GASK1B: variants seen among roughly 807,000 people sequenced by gnomAD.
The protein encoded by GASK1B is golgi associated kinase 1B, also known as Golgi-associated kinase 1B.
A neutral mutation model predicts 42.8 loss-of-function variants in GASK1B; 34 were observed. That is an observed-to-expected ratio of 0.79 (90% CI 0.60 to 1.06). The LOEUF is 1.06. Among genes scored for constraint, GASK1B ranks in the 50% least tolerant of loss-of-function variants. The pLI is 0.00. For synonymous variants in GASK1B, 262 were observed against 259.1 expected, an observed-to-expected ratio of 1.01 and a Z score of -0.11; for missense variants, 686 against 661.0, an observed-to-expected ratio of 1.04 and a Z score of -0.42.
At chr4:158,157,504 G>A (rs996301548) in intron 2 of GASK1B, among the ~76,000 whole-genome samples, 1 of 151,996 alleles carries the variant, frequency 6.6e-6, no homozygotes, top group African/African-American at 2.4e-5. Flanking sequence ...ACAGCACTGG[G>A]CCAGTATAAC....
intron 3 of GASK1B, among the ~76,000 whole-genome samples, chr4:158,151,260 T>C (rs1348778415): frequency 6.6e-6 from 1 of 152,240 alleles, no homozygotes; most frequent in Non-Finnish European, 1.5e-5. Flanking sequence ...TATTATTCTC[T>C]AATGCAGAAT....
chr4:158,170,473 G>A lies in GASK1B; in HGVS notation c.903C>T (p.Phe301=). 1 of 1,614,264 alleles carries A rather than the reference G, an allele frequency of 6.2e-7. No homozygotes were observed. The highest frequency in any genetic ancestry group is 8.5e-7 in the Non-Finnish European group (1 of 1,180,052). ...AGCATGTGAATCTGTTACCTTGGATGAACTCTGCTTTCCTGCTCACAGACG... is the reference window on the plus strand; with the variant it reads ...AGCATGTGAATCTGTTACCTTGGATAAACTCTGCTTTCCTGCTCACAGACG... ...TLPSVSRKAE[F]IQDGRPCPII... is the part of the protein sequence containing the mutation. The change falls in exon 2 of 5, where the codon TTC becomes TTT. Residue 301 remains phenylalanine, a synonymous_variant. Coordinates refer to ENST00000585682, the MANE Select transcript of GASK1B (RefSeq NM_001128424.2).
intron 4 of GASK1B, among the ~76,000 whole-genome samples, chr4:158,129,449 C>A (rs1291628624): frequency 6.6e-6 from 1 of 152,138 alleles, no homozygotes; most frequent in East Asian, 1.9e-4. Context: ...GTCAACAGGG[C>A]AGGACCCGGC....
intron 2 of GASK1B, chr4:158,169,939 A>C (rs1732394874): frequency 2.8e-6 from 1 of 361,948 alleles, no homozygotes. Flanking sequence ...TTATTTGTTA[A>C]ATAAAGAGGT....
At chr4:158,149,279 T>A (rs948054472) in intron 3 of GASK1B, among the ~76,000 whole-genome samples, 9 of 152,248 alleles carry the variant, frequency 5.9e-5, no homozygotes, top group Non-Finnish European at 1.3e-4. Flanking sequence ...GAAATAGTTT[T>A]TAAAAAACTT....
chr4:158,171,950 C>T (rs917867372), intron 1 of GASK1B, among the ~76,000 whole-genome samples: 5 of 152,052 alleles, frequency 3.3e-5, no homozygotes, highest in South Asian at 2.1e-4. Context: ...ATACTCTATA[C>T]CTATACCATT....
intron 3 of GASK1B, among the ~76,000 whole-genome samples, chr4:158,148,130 C>G (rs1195709194): frequency 1.3e-5 from 2 of 152,154 alleles, no homozygotes; most frequent in Non-Finnish European, 2.9e-5. Flanking sequence ...GGAAGGATCA[C>G]TTGAGCCCAA....
chr4:158,152,683 T>C (rs958952891), intron 3 of GASK1B, among the ~76,000 whole-genome samples: 55 of 152,286 alleles, frequency 3.6e-4, no homozygotes, highest in African/African-American at 1.3e-3. Context: ...GATACAAGGA[T>C]GGTTTAACAT....
intron 3 of GASK1B, among the ~76,000 whole-genome samples, chr4:158,149,922 G>GTTTTTTTTTTTTT (rs1560785203): frequency 1.9e-4 from 3 of 15,520 alleles, no homozygotes; most frequent in African/African-American, 2.6e-4. Flanking sequence ...TCTGCATGCT[G>GTTTTTTTTTTTTT]CTTTTTTTTT....
Position 158,170,489 on chromosome 4 carries a change from C to T in GASK1B, c.887G>A (p.Ser296Asn), listed in dbSNP as rs201753633. 5.0e-6 allele frequency: 8 copies of T among 1,614,258 alleles called. No homozygotes were observed. The Admixed American group carries it at 1.2e-4, about 24-fold the overall frequency. Residue 296 changes from serine (S) to asparagine (N), a missense_variant, in exon 2 of 5, where the codon AGC becomes AAC. Coordinates refer to ENST00000585682, the MANE Select transcript of GASK1B (RefSeq NM_001128424.2). ...ACCTTGGATGAACTCTGCTTTCCTG[C>T]TCACAGACGGCAGGGTCCTGTTGAG... ...LGLNRTLPSV[S>N]RKAEFIQDGR...
At position 158,170,814 on chromosome 4, in the gene GASK1B, C is replaced by T. The variant is rs773698355; in HGVS notation, c.562G>A (p.Val188Met). Residue 188 changes from valine to methionine, a missense_variant, in exon 2 of 5, where the codon GTG becomes ATG. Transcript: ENST00000585682. ...AGGAAGTCTGGGCCCCCGGCTCGCA[C>T]TCCCGGACCCCGCACCAACCTCCAG... Reference protein sequence around the residue: ...RPWRLVRGPGVRAGGPDFLQP... With the variant: ...RPWRLVRGPGMRAGGPDFLQP... 1.2e-6 allele frequency: 2 copies of T among 1,614,194 alleles called. No homozygotes were observed. The highest frequency in any genetic ancestry group is 1.1e-5 in the South Asian group (1 of 91,086).
At chr4:158,146,512 T>C (rs1166331279) in intron 3 of GASK1B, among the ~76,000 whole-genome samples, 3 of 152,226 alleles carry the variant, frequency 2.0e-5, no homozygotes, top group African/African-American at 4.8e-5. Flanking sequence ...AAATGCTTTA[T>C]GTATATAAAA....
intron 2 of GASK1B, among the ~76,000 whole-genome samples, chr4:158,161,193 A>T (rs1347532996): frequency 6.6e-6 from 1 of 152,150 alleles, no homozygotes; most frequent in Non-Finnish European, 1.5e-5. Flanking sequence ...AAGTAAGGTG[A>T]TGGATTTTTA....
rs139483120 is a variant in GASK1B, at chr4:158,170,526, T to C, written c.850A>G (p.Arg284Gly). 22 of 1,614,082 alleles carry C rather than the reference T, an allele frequency of 1.4e-5. No individual in the cohort carries two copies. Among genetic ancestry groups the C allele is most frequent in the Non-Finnish European group, 1.9e-5 (22 of 1,180,040 alleles). The change falls in exon 2 of 5, where the codon AGG becomes GGG. Residue 284 changes from arginine to glycine, a missense_variant. Physicochemically the swap from Arg to Gly is moderately radical, Grantham distance 125 (BLOSUM62 -2). Transcript: ENST00000585682. ...MSEVFAFHLD[R>G]ILGLNRTLPS... ...AGGGTCCTGTTGAGCCCCAGGATCC[T>C]GTCTAGGTGGAAGGCAAACACCTCA... is the stretch of plus-strand genomic sequence containing the variant.
At chr4:158,139,165 C>T (rs1304616111) in intron 3 of GASK1B, among the ~76,000 whole-genome samples, 1 of 152,138 alleles carries the variant, frequency 6.6e-6, no homozygotes, top group Non-Finnish European at 1.5e-5. Context: ...AAAACATCCG[C>T]CTGCCTACCA....
intron 3 of GASK1B, among the ~76,000 whole-genome samples, chr4:158,148,171 A>G (rs1291786948): frequency 2.6e-5 from 4 of 152,138 alleles, no homozygotes; most frequent in Non-Finnish European, 2.9e-5. Flanking sequence ...TTATGATCAC[A>G]CCACTGCACT....
intron 3 of GASK1B, among the ~76,000 whole-genome samples, chr4:158,146,392 A>C (rs1341518143): frequency 6.6e-6 from 1 of 152,050 alleles, no homozygotes; most frequent in Non-Finnish European, 1.5e-5. Flanking sequence ...ATGATAAAAT[A>C]ATATAGTTTA....
Position 158,127,564 on chromosome 4 carries a change from T to G in GASK1B, c.1403A>C (p.Lys468Thr), listed in dbSNP as rs756472594. The change falls in exon 5 of 5, where the codon AAA (lysine) becomes ACA (threonine). Residue 468 changes from lysine to threonine, a missense_variant. Coordinates refer to ENST00000585682, the MANE Select transcript of GASK1B (RefSeq NM_001128424.2). ...ATCAAGAAACAGAGACTGAAGAAGT[T>G]TCTGCCGTAAGTGCTGGCTCTTCAA... ...SVLKSQHLRQ[K>T]LLQSLFLDKV... 26 of 1,613,584 alleles carry G rather than the reference T, an allele frequency of 1.6e-5. No individual in the cohort carries two copies. The highest frequency in any genetic ancestry group is 2.1e-5 in the Non-Finnish European group (25 of 1,179,784).
At chr4:158,141,143 T>G (rs959469874) in intron 3 of GASK1B, among the ~76,000 whole-genome samples, 15 of 152,100 alleles carry the variant, frequency 9.9e-5, no homozygotes, top group African/African-American at 3.6e-4. Flanking sequence ...TCTCTAAGCA[T>G]GAGTGCTAGA....
Sources: gnomAD v4.1 joint callset for allele counts (sites outside exome capture counted in the v4.1 genomes callset) on GRCh38, gnomAD v4.1.1 for gene constraint, MANE v1.5 for transcripts, NCBI Gene and HGNC (gene_info 2026-07-23, HGNC 2026-07-21) for gene names.